PPFIA2: variants seen among roughly 807,000 people sequenced by gnomAD.
PPFIA2 encodes the protein liprin-alpha-2.
Under a neutral mutation model 175.5 loss-of-function variants are expected in PPFIA2, and 46 were observed. That is an observed-to-expected ratio of 0.26 (90% CI 0.21 to 0.34). The LOEUF is 0.34. PPFIA2 is among the 10% of genes least tolerant of loss of function. The pLI is 1.00. For missense variants in PPFIA2, 1,179 were observed against 1,506.1 expected (o/e 0.78, Z 3.60); for synonymous variants, 568 against 511.4 (o/e 1.11, Z -1.49).
At chr12:81,564,573 T>C (rs1404416169) in intron 4 of PPFIA2, among the ~76,000 whole-genome samples, 1 of 152,202 alleles carries the variant, frequency 6.6e-6, no homozygotes, top group Admixed American at 6.5e-5. Context: ...TCCAATAGTA[T>C]GTAGAACACT....
chr12:81,332,418 G>A (rs913421381), intron 21 of PPFIA2, among the ~76,000 whole-genome samples: 5 of 151,954 alleles, frequency 3.3e-5, no homozygotes, highest in Admixed American at 2.6e-4. Flanking sequence ...GATAGGTCCC[G>A]TTTGAAACTC....
At chr12:81,330,719 C>T (rs2055940294) in intron 21 of PPFIA2, among the ~76,000 whole-genome samples, 1 of 152,186 alleles carries the variant, frequency 6.6e-6, no homozygotes, top group African/African-American at 2.4e-5. Context: ...TCTCTAACTA[C>T]TACAATCTGC....
intron 4 of PPFIA2, among the ~76,000 whole-genome samples, chr12:81,516,410 G>A (rs186799367): frequency 6.1e-4 from 93 of 152,190 alleles, no homozygotes; most frequent in African/African-American, 2.2e-3. Context: ...GTTGTTATGG[G>A]TTGAGTTGTG....
At chr12:81,313,490 A>G (rs2051480362) in intron 22 of PPFIA2, among the ~76,000 whole-genome samples, 1 of 152,054 alleles carries the variant, frequency 6.6e-6, no homozygotes, top group Non-Finnish European at 1.5e-5. Context: ...CCTTAACTCC[A>G]CAGCATCTGT....
chr12:81,665,204 A>G (rs1007144185), intron 4 of PPFIA2, among the ~76,000 whole-genome samples: 1 of 152,030 alleles, frequency 6.6e-6, no homozygotes, highest in Non-Finnish European at 1.5e-5. Flanking sequence ...AACGTGAAAA[A>G]AATTTACGGT....
intron 4 of PPFIA2, among the ~76,000 whole-genome samples, chr12:81,558,566 C>CACTGTGGAG (rs1367581955): frequency 6.6e-6 from 1 of 152,120 alleles, no homozygotes; most frequent in Non-Finnish European, 1.5e-5. Context: ...GGAGACAGCC[C>CACTGTGGAG]ATCCCAGTGT....
chr12:81,477,466 T>G (rs1051656157), intron 4 of PPFIA2, among the ~76,000 whole-genome samples: 4 of 152,232 alleles, frequency 2.6e-5, no homozygotes, highest in Non-Finnish European at 5.9e-5. Flanking sequence ...TGAAAATCTG[T>G]GCTGGTCTTG....
chr12:81,266,895 G>T (rs565736277), intron 30 of PPFIA2, 57 bp downstream of exon 30: 14 of 1,229,840 alleles, frequency 1.1e-5, no homozygotes, highest in Middle Eastern at 1.9e-4. Flanking sequence ...AAACAAAGAT[G>T]TTCTATCATT....
chr12:81,421,093 G>T, intron 7 of PPFIA2, among the ~76,000 whole-genome samples: 1 of 152,024 alleles, frequency 6.6e-6, no homozygotes. Context: ...GTGAAGAAGG[G>T]ATAAAGTCTT....
At chr12:81,696,054 G>A (rs2075857469) in intron 3 of PPFIA2, among the ~76,000 whole-genome samples, 1 of 152,148 alleles carries the variant, frequency 6.6e-6, no homozygotes, top group Non-Finnish European at 1.5e-5. Flanking sequence ...TTAGGCCTAG[G>A]ATGCCTGGAT....
At chr12:81,322,765 T>G (rs2053940230) in intron 22 of PPFIA2, among the ~76,000 whole-genome samples, 1 of 152,222 alleles carries the variant, frequency 6.6e-6, no homozygotes, top group African/African-American at 2.4e-5. Context: ...CAGCAACTGT[T>G]TAATAATTAT....
rs1416065036 is a variant in PPFIA2 at position 81,339,208 on chromosome 12, T to C, written c.2520A>G (p.Lys840=). 1 of 1,603,798 alleles carries C rather than the reference T, an allele frequency of 6.2e-7. No individual in the cohort carries two copies. Among genetic ancestry groups the C allele is most frequent in the Non-Finnish European group, 8.5e-7 (1 of 1,175,388 alleles). ...GCTGCCCAAGTCGAGCTTTTTCTTT[T>C]TTACCAAACAAACGTCCTATTGAAG... ...IKSSIGRLFG[K]KEKARLGQLR... The change falls in exon 21 of 33, where the codon AAA becomes AAG. Residue 840 remains lysine, a synonymous_variant. Coordinates refer to ENST00000549396, the MANE Select transcript of PPFIA2 (RefSeq NM_003625.5).
chr12:81,389,714 C>T lies in PPFIA2; in HGVS notation c.763-5470G>A, dbSNP rs557474748. ...TCCAAACCATTGTTAACTTGACTTA[C>T]CTTTAAAATAAATTGTGGCACTTTA... On this transcript the variant is annotated intron_variant, in intron 8 of 32. Coordinates refer to ENST00000549396, the MANE Select transcript of PPFIA2 (RefSeq NM_003625.5). Among the ~76,000 whole-genome samples, 5 of 152,094 alleles carry T rather than the reference C, an allele frequency of 3.3e-5. No homozygotes were observed. The East Asian group carries it at 9.7e-4, about 29-fold the overall frequency.
At chr12:81,544,342 C>T (rs2066666265) in intron 4 of PPFIA2, among the ~76,000 whole-genome samples, 1 of 152,034 alleles carries the variant, frequency 6.6e-6, no homozygotes, top group Non-Finnish European at 1.5e-5. Context: ...TTATAATCCC[C>T]AAGATGAGAA....
chr12:81,711,518 A>G (rs2077914970), intron 3 of PPFIA2, among the ~76,000 whole-genome samples: 3 of 151,328 alleles, frequency 2.0e-5, no homozygotes, highest in Non-Finnish European at 2.9e-5. Context: ...ATTATCTCCT[A>G]TTGTTTCTTC....
At chr12:81,288,833 C>T (rs1429391700) in intron 24 of PPFIA2, among the ~76,000 whole-genome samples, 3 of 151,732 alleles carry the variant, frequency 2.0e-5, no homozygotes, top group Non-Finnish European at 4.4e-5. Context: ...ATTTACACCT[C>T]ACTCTCTTTT....
intron 4 of PPFIA2, among the ~76,000 whole-genome samples, chr12:81,469,627 A>T (rs2056376603): frequency 6.6e-6 from 1 of 152,226 alleles, no homozygotes; most frequent in Non-Finnish European, 1.5e-5. Flanking sequence ...TTCTTACAGA[A>T]ATACATAGAG....
intron 4 of PPFIA2, among the ~76,000 whole-genome samples, chr12:81,470,616 A>G (rs1451097493): frequency 6.6e-6 from 1 of 152,228 alleles, no homozygotes; most frequent in Non-Finnish European, 1.5e-5. Flanking sequence ...AATCTTGTAC[A>G]TGAATGTTCA....
At chr12:81,437,431 G>A (rs966573812) in intron 7 of PPFIA2, among the ~76,000 whole-genome samples, 27 of 152,204 alleles carry the variant, frequency 1.8e-4, no homozygotes, top group African/African-American at 5.5e-4. Flanking sequence ...GGGTTTCACC[G>A]TGTTAGCCAG....
Sources: gnomAD v4.1 joint callset for allele counts (sites outside exome capture counted in the v4.1 genomes callset) on GRCh38, gnomAD v4.1.1 for gene constraint, MANE v1.5 for transcripts, NCBI Gene and HGNC (gene_info 2026-07-23, HGNC 2026-07-21) for gene names.